Variants in UBR2 observed in about 807,000 individuals in gnomAD.
UBR2 encodes ubiquitin protein ligase E3 component n-recognin 2.
A neutral mutation model predicts 247.9 loss-of-function variants in UBR2; 92 were observed. That is an observed-to-expected ratio of 0.37 (90% CI 0.31 to 0.44). The LOEUF is 0.44. UBR2 is among the 20% of genes least tolerant of loss of function. UBR2 has a pLI of 1.00. For missense variants in UBR2, 1,613 were observed against 2,112.6 expected (o/e 0.76, Z 4.64); for synonymous variants, 672 against 693.5 (o/e 0.97, Z 0.49).
At chr6:42,614,960 A>G in intron 8 of UBR2, 111 bp from the exon 9 acceptor site, 1 of 806,078 alleles carries the variant, frequency 1.2e-6, no homozygotes, top group Non-Finnish European at 1.8e-6. Context: ...AATAAATTTG[A>G]ACTTTAAGAA....
At chr6:42,614,738 G>T (rs1257572749) in intron 8 of UBR2, among the ~76,000 whole-genome samples, 1 of 151,944 alleles carries the variant, frequency 6.6e-6, no homozygotes, top group Non-Finnish European at 1.5e-5. Context: ...CTGTAATCTG[G>T]TTTAATTAGC....
intron 43 of UBR2, among the ~76,000 whole-genome samples, chr6:42,683,852 TA>T (rs1477916011): frequency 6.6e-6 from 1 of 152,188 alleles, no homozygotes; most frequent in East Asian, 1.9e-4. Context: ...TTCCAAACTC[TA>T]AAAGAATTCA....
chr6:42,652,626 C>T lies in UBR2; in HGVS notation c.2750C>T (p.Ser917Leu), dbSNP rs754681331. 4 of 1,611,674 alleles carry T rather than the reference C, an allele frequency of 2.5e-6. No individual in the cohort carries two copies. The highest frequency in any genetic ancestry group is 3.4e-6 in the Non-Finnish European group (4 of 1,179,550). The change falls in exon 25 of 47, where the codon TCA (serine) becomes TTA (leucine). Residue 917 changes from serine to leucine, a missense_variant. Around this residue, in one of 3 missense-constraint regions of UBR2, gnomAD observed 1,524 missense variants for 1,967.3 expected, o/e 0.77. Transcript: ENST00000372901. ...WAVEHNGYAW[S>L]ESMLQRVLHL... ...GTGGAACATAATGGATATGCCTGGTCAGAGTCCATGCTGCAAAGGGTAGGT... is the reference window on the plus strand; with the variant it reads ...GTGGAACATAATGGATATGCCTGGTTAGAGTCCATGCTGCAAAGGGTAGGT...
chr6:42,594,523 G>T (rs1256558127), intron 4 of UBR2, among the ~76,000 whole-genome samples: 1 of 152,094 alleles, frequency 6.6e-6, no homozygotes, highest in African/African-American at 2.4e-5. Context: ...TTTTTATTTG[G>T]TTGGGGTTTT....
Position 42,635,510 on chromosome 6 carries a change from T to A in UBR2, c.1638T>A (p.His546Gln). Reference protein sequence around the residue: ...AAFTLQMKLTHVISMMQDWCA... With the variant: ...AAFTLQMKLTQVISMMQDWCA... Reference sequence around the variant, plus strand: ...TCACACTACAAATGAAATTAACACATGTCATTTCAATGATGCAGGACTGGT... The same window carrying A: ...TCACACTACAAATGAAATTAACACAAGTCATTTCAATGATGCAGGACTGGT... Residue 546 changes from histidine to glutamine, a missense_variant, in exon 14 of 47, where the codon CAT (histidine) becomes CAA (glutamine). Physicochemically the swap from His to Gln is conservative, Grantham distance 24. Transcript: ENST00000372901. The A allele has an allele frequency of 6.2e-7, 1 of 1,613,480 alleles. No homozygotes were observed. The highest frequency in any genetic ancestry group is 1.7e-4 in the Middle Eastern group (1 of 6,060).
Position 42,635,566 on chromosome 6 carries a change from G to A in UBR2, c.1674+20G>A, listed in dbSNP as rs781383609. On this transcript the variant is annotated intron_variant, in intron 14 of 46. Transcript: ENST00000372901. Reference sequence around the variant, plus strand: ...TCAGATGTGAGTTTCTTCTGGGTGCGGGGAATAGGAGGAAAGTGGAAGAGG... The same window carrying A: ...TCAGATGTGAGTTTCTTCTGGGTGCAGGGAATAGGAGGAAAGTGGAAGAGG... 36 of 1,594,280 alleles carry A rather than the reference G, an allele frequency of 2.3e-5. No individual in the cohort carries two copies. Among genetic ancestry groups the A allele is most frequent in the African/African-American group, 1.7e-4 (13 of 74,662 alleles).
rs775841094 is a variant in UBR2, at chr6:42,564,373, A to G, written c.54A>G (p.Glu18=). ...AGGCCATCGACCGGAGCTTGCTGGA[A>G]TGTTCGGCCGAGGAGATTGCGGGGG... ...EVQAIDRSLL[E]CSAEEIAGKW... Residue 18 remains glutamate (E), a synonymous_variant, in exon 1 of 47, where the codon GAA becomes GAG. Transcript: ENST00000372901. 3.7e-6 allele frequency: 6 copies of G among 1,610,832 alleles called. No homozygotes were observed. Among genetic ancestry groups the G allele is most frequent in the Admixed American group, 3.4e-5 (2 of 59,552 alleles).
At chr6:42,603,483 A>G in intron 4 of UBR2, 105 bp from the exon 5 acceptor site, 5 of 1,106,006 alleles carry the variant, frequency 4.5e-6, no homozygotes, top group Non-Finnish European at 6.0e-6. Flanking sequence ...CTGGAAGACC[A>G]GTCAACTTTT....
At chr6:42,690,859 G>A (rs537564698) in intron 46 of UBR2, among the ~76,000 whole-genome samples, 173 bp from the exon 47 acceptor site, 5 of 152,200 alleles carry the variant, frequency 3.3e-5, no homozygotes, top group Non-Finnish European at 7.3e-5. Flanking sequence ...CCTGCTCTTG[G>A]CAAAGGGTCA....
chr6:42,638,304 C>T (rs922448539), intron 15 of UBR2, among the ~76,000 whole-genome samples: 28 of 152,202 alleles, frequency 1.8e-4, no homozygotes, highest in Non-Finnish European at 2.8e-4. Flanking sequence ...AATATTCCTT[C>T]ATTATCCTTT....
At chr6:42,565,444 T>C (rs1027793360) in intron 1 of UBR2, among the ~76,000 whole-genome samples, 5 of 152,142 alleles carry the variant, frequency 3.3e-5, no homozygotes, top group African/African-American at 1.2e-4. Flanking sequence ...TTATTTTGCG[T>C]GAATTGGTGA....
At chr6:42,655,056 G>C (rs1797357078) in intron 25 of UBR2, among the ~76,000 whole-genome samples, 1 of 152,110 alleles carries the variant, frequency 6.6e-6, no homozygotes, top group South Asian at 2.1e-4. Flanking sequence ...GGTCACAGCT[G>C]GTGTAATTTT....
chr6:42,641,826 CAA>C (rs1387227852), intron 17 of UBR2, 134 bp downstream of exon 17: 9 of 596,314 alleles, frequency 1.5e-5, no homozygotes, highest in Non-Finnish European at 2.4e-5. Flanking sequence ...AATGATAAAA[CAA>C]AAAGTTTCTT....
intron 11 of UBR2, among the ~76,000 whole-genome samples, chr6:42,630,957 C>T (rs928800361): frequency 2.0e-5 from 3 of 152,050 alleles, no homozygotes; most frequent in African/African-American, 7.2e-5. Context: ...CAGGTACATG[C>T]CACCACACCC....
At chr6:42,653,026 AGACTTACGGTCC>A (rs537709919) in intron 25 of UBR2, among the ~76,000 whole-genome samples, 145 of 152,332 alleles carry the variant, frequency 9.5e-4, no homozygotes, top group African/African-American at 3.2e-3. Flanking sequence ...TGACACTCAT[AGACTTACGGTCC>A]TATAGCTAGT....
At chr6:42,606,490 T>A in intron 6 of UBR2, 99 bp from the exon 7 acceptor site, 1 of 1,031,640 alleles carries the variant, frequency 9.7e-7, no homozygotes, top group Non-Finnish European at 1.4e-6. Context: ...TGAAAATTGA[T>A]CAGAATTGTT....
intron 10 of UBR2, among the ~76,000 whole-genome samples, chr6:42,616,567 T>C (rs1404992613): frequency 6.6e-6 from 1 of 152,018 alleles, no homozygotes; most frequent in East Asian, 1.9e-4. Flanking sequence ...GAAAATTATA[T>C]TTAGAAAACT....
At chr6:42,674,292 G>A (rs1798597497) in intron 38 of UBR2, 99 bp downstream of exon 38, 2 of 1,084,742 alleles carry the variant, frequency 1.8e-6, no homozygotes, top group Admixed American at 4.5e-5. Context: ...GGAGTTATGT[G>A]ATTTCCTTAC....
chr6:42,614,404 G>GTAAA (rs1554250409), intron 8 of UBR2, among the ~76,000 whole-genome samples: 1 of 114,684 alleles, frequency 8.7e-6, no homozygotes, highest in African/African-American at 3.5e-5. Context: ...ACATACATAC[G>GTAAA]TATGTATGTA....
Sources: gnomAD v4.1 joint callset for allele counts (sites outside exome capture counted in the v4.1 genomes callset) on GRCh38, gnomAD v4.1.1 for gene constraint, gnomAD v4.1.1 regional missense constraint, MANE v1.5 for transcripts, NCBI Gene and HGNC (gene_info 2026-07-23, HGNC 2026-07-21) for gene names.